Variants in EPHA6 observed in about 807,000 individuals in gnomAD.
EPHA6 encodes the protein EPH receptor A6.
A neutral mutation model predicts 112.0 loss-of-function variants in EPHA6; 50 were observed. That is an observed-to-expected ratio of 0.45 (90% CI 0.36 to 0.56). The LOEUF (loss-of-function observed/expected upper bound fraction) is 0.56. Among genes scored for constraint, EPHA6 ranks in the 20% least tolerant of loss-of-function variants. EPHA6 has a pLI of 0.00. For missense variants in EPHA6, 1,280 were observed against 1,417.4 expected (o/e 0.90, Z 1.56); for synonymous variants, 529 against 490.7 (o/e 1.08, Z -1.03).
At chr3:97,530,803 G>T (rs1158295425) in intron 10 of EPHA6, among the ~76,000 whole-genome samples, 3 of 151,924 alleles carry the variant, frequency 2.0e-5, no homozygotes, top group African/African-American at 2.4e-5. Context: ...TGGAAGCAAA[G>T]TTACGCCTTG....
At chr3:97,667,652 T>C (rs894458605) in intron 14 of EPHA6, among the ~76,000 whole-genome samples, 1 of 152,202 alleles carries the variant, frequency 6.6e-6, no homozygotes, top group African/African-American at 2.4e-5. Flanking sequence ...TAAGTGCCTT[T>C]ATGTAAATAA....
rs1352801484 is a variant in EPHA6, at chr3:97,327,953, ATC to A, written c.1607-77195_1607-77194del. Among the ~76,000 whole-genome samples the A allele has an allele frequency of 4.0e-4, 48 of 121,342 alleles. 2 individuals carry two copies. Among genetic ancestry groups the A allele is most frequent in the African/African-American group, 2.1e-3 (41 of 19,866 alleles). 79.6% of individuals were successfully genotyped at this position (121,342 alleles called of 152,430 possible). Reference sequence around the variant, plus strand: ...TATATGTATATGTGTATGTATATGTATCTGTGTGTATATATATGTATATGTGC... The same window carrying A: ...TATATGTATATGTGTATGTATATGTATGTGTGTATATATATGTATATGTGC... On this transcript the variant is annotated intron_variant, in intron 5 of 17. Coordinates refer to ENST00000389672, the MANE Select transcript of EPHA6 (RefSeq NM_001080448.3).
At chr3:97,537,076 A>G (rs770131378) in intron 11 of EPHA6, among the ~76,000 whole-genome samples, 2 of 152,190 alleles carry the variant, frequency 1.3e-5, no homozygotes, top group African/African-American at 4.8e-5. Flanking sequence ...AGAAAAGTTC[A>G]GGAAGAAATA....
chr3:97,083,958 G>GA (rs1410399642), intron 3 of EPHA6, among the ~76,000 whole-genome samples: 2 of 150,482 alleles, frequency 1.3e-5, no homozygotes, highest in African/African-American at 2.4e-5. Flanking sequence ...GAGGCAAAAT[G>GA]AAAAAAATGG....
rs1418707018 is a variant in EPHA6, at chr3:97,757,834, G to A, written c.*9133G>A. 6.6e-6 allele frequency among the ~76,000 whole-genome samples: 1 copy of A among 151,740 alleles called. No individual in the cohort carries two copies. Among genetic ancestry groups the A allele is most frequent in the Non-Finnish European group, 1.5e-5 (1 of 67,744 alleles). ...TTAAGTATTTTAAAAAAGAGCCATTGTATTTTTTATATTTCCATTCAGTCT... is the reference window on the plus strand; with the variant it reads ...TTAAGTATTTTAAAAAAGAGCCATTATATTTTTTATATTTCCATTCAGTCT... On this transcript the variant is annotated 3_prime_UTR_variant, in exon 18 of 18. Coordinates refer to ENST00000389672, the MANE Select transcript of EPHA6 (RefSeq NM_001080448.3).
At chr3:97,338,756 C>T (rs937172777) in intron 5 of EPHA6, among the ~76,000 whole-genome samples, 7 of 152,120 alleles carry the variant, frequency 4.6e-5, no homozygotes, top group African/African-American at 9.7e-5. Flanking sequence ...ACTCAGCCCC[C>T]GAAGTCTACT....
At chr3:97,431,683 T>C (rs1387232577) in intron 6 of EPHA6, among the ~76,000 whole-genome samples, 1 of 152,138 alleles carries the variant, frequency 6.6e-6, no homozygotes, top group Non-Finnish European at 1.5e-5. Flanking sequence ...ATTTTCCTCC[T>C]ATTTATTGAA....
chr3:96,836,181 C>T (rs1005045215), intron 1 of EPHA6, among the ~76,000 whole-genome samples: 14 of 152,058 alleles, frequency 9.2e-5, no homozygotes, highest in Non-Finnish European at 1.3e-4. Flanking sequence ...CTTTTCTTGG[C>T]ATCATACTAG....
At chr3:97,169,252 C>G (rs952239410) in intron 3 of EPHA6, among the ~76,000 whole-genome samples, 2 of 152,090 alleles carry the variant, frequency 1.3e-5, no homozygotes, top group Non-Finnish European at 2.9e-5. Flanking sequence ...TTTAAGCAAT[C>G]AAATCACATT....
At chr3:97,276,665 G>A (rs1047322573) in intron 5 of EPHA6, among the ~76,000 whole-genome samples, 2 of 152,140 alleles carry the variant, frequency 1.3e-5, no homozygotes, top group African/African-American at 4.8e-5. Flanking sequence ...TTAAAGTCGG[G>A]AGCGGATTGG....
intron 2 of EPHA6, among the ~76,000 whole-genome samples, chr3:96,941,443 G>C (rs929871433): frequency 2.5e-4 from 38 of 152,190 alleles, no homozygotes; most frequent in Admixed American, 1.9e-3. Flanking sequence ...TTGGCTTTCA[G>C]CTCCATCAGC....
intron 3 of EPHA6, among the ~76,000 whole-genome samples, chr3:97,003,283 T>C (rs2043740276): frequency 6.6e-6 from 1 of 152,058 alleles, no homozygotes; most frequent in Admixed American, 6.6e-5. Context: ...AATTTTTGTA[T>C]TTTTAGTAGA....
At chr3:97,348,484 G>GT (rs942438882) in intron 5 of EPHA6, among the ~76,000 whole-genome samples, 23 of 148,954 alleles carry the variant, frequency 1.5e-4, no homozygotes, top group East Asian at 5.9e-4. Flanking sequence ...AGATGGAGTA[G>GT]TTTTTTTTTT....
intron 3 of EPHA6, among the ~76,000 whole-genome samples, chr3:97,022,733 C>A (rs2044504418): frequency 6.6e-6 from 1 of 152,038 alleles, no homozygotes; most frequent in African/African-American, 2.4e-5. Flanking sequence ...CATGTACTTT[C>A]TTTTAGAATC....
chr3:97,551,394 A>G (rs1244514490), intron 11 of EPHA6, among the ~76,000 whole-genome samples: 1 of 152,164 alleles, frequency 6.6e-6, no homozygotes, highest in Non-Finnish European at 1.5e-5. Context: ...TCATTGGGTT[A>G]TATCAATCAC....
chr3:96,835,413 A>G (rs886856246), intron 1 of EPHA6, among the ~76,000 whole-genome samples: 7 of 151,976 alleles, frequency 4.6e-5, no homozygotes, highest in African/African-American at 1.7e-4. Flanking sequence ...AGGTTGAAAC[A>G]TGAGTGGGTG....
intron 5 of EPHA6, among the ~76,000 whole-genome samples, chr3:97,398,263 T>C (rs1402796964): frequency 1.3e-5 from 2 of 151,388 alleles, no homozygotes; most frequent in Admixed American, 1.3e-4. Flanking sequence ...AACCATAAGA[T>C]TGTATATATG....
chr3:97,341,911 G>A (rs183193139), intron 5 of EPHA6, among the ~76,000 whole-genome samples: 1 of 152,070 alleles, frequency 6.6e-6, no homozygotes, highest in African/African-American at 2.4e-5. Flanking sequence ...TTGAGGAGAG[G>A]GTGAGAAAGA....
chr3:97,685,442 C>T (rs912652216), intron 14 of EPHA6, among the ~76,000 whole-genome samples: 2 of 152,164 alleles, frequency 1.3e-5, no homozygotes, highest in Admixed American at 1.3e-4. Context: ...ACCTCCCAAA[C>T]CTTAGTCACT....
Sources: gnomAD v4.1 joint callset for allele counts (sites outside exome capture counted in the v4.1 genomes callset) on GRCh38, gnomAD v4.1.1 for gene constraint, MANE v1.5 for transcripts, NCBI Gene and HGNC (gene_info 2026-07-23, HGNC 2026-07-21) for gene names.